The following VCP variants were observed in gnomAD, a reference collection of about 807,000 sequenced individuals.
VCP encodes the protein transitional endoplasmic reticulum ATPase.
A neutral mutation model predicts 85.7 loss-of-function variants in VCP; 6 were observed. That is an observed-to-expected ratio of 0.07 (90% CI 0.04 to 0.14). The LOEUF (loss-of-function observed/expected upper bound fraction) is 0.14. Ranked by LOEUF, VCP falls within the 10% of genes least tolerant of loss-of-function variation. The pLI is 1.00. For missense variants in VCP, 353 were observed against 1,043.4 expected (o/e 0.34, Z 9.12); for synonymous variants, 384 against 367.1 (o/e 1.05, Z -0.53).
intron 12 of VCP, 27 bp from the exon 13 acceptor site, chr9:35,060,552 A>T: frequency 6.2e-7 from 1 of 1,608,948 alleles, no homozygotes; most frequent in Non-Finnish European, 8.5e-7. Flanking sequence ...AGAGGGTTCA[A>T]GGCTACCTCC....
intron 4 of VCP, among the ~76,000 whole-genome samples, chr9:35,065,926 G>A (rs182647498): frequency 6.6e-6 from 1 of 152,274 alleles, no homozygotes; most frequent in African/African-American, 2.4e-5. Context: ...AAGAGTTCGA[G>A]ACGAGCCTGA....
At chr9:35,069,444 C>CGT (rs1828895799) in intron 1 of VCP, among the ~76,000 whole-genome samples, 1 of 96,106 alleles carries the variant, frequency 1.0e-5, no homozygotes, top group African/African-American at 3.9e-5. Flanking sequence ...CTCCCTCTCC[C>CGT]TTTTTTTTTT....
chr9:35,068,118 C>A, intron 2 of VCP, 55 bp from the exon 3 acceptor site: 1 of 1,612,810 alleles, frequency 6.2e-7, no homozygotes, highest in South Asian at 1.1e-5. Context: ...GAGTAAGCAG[C>A]AGCCCTGGAG....
In VCP at chr9:35,070,754, C is replaced by A. The variant is rs1276245225; in HGVS notation, c.17+1583G>T. The stretch of plus-strand genomic sequence containing the variant: ...CCCGGTCAATAGTTTGTATTTTAAT[C>A]TCAAAGCTGTATCCTAGGAAAACCT... On this transcript the variant is annotated intron_variant, in intron 1 of 16. Coordinates refer to ENST00000358901, the MANE Select transcript of VCP (RefSeq NM_007126.5). 2.0e-5 allele frequency among the ~76,000 whole-genome samples: 3 copies of A among 152,304 alleles called. No homozygotes were observed. In the East Asian group the frequency reaches 5.8e-4, roughly 29 times the overall value.
chr9:35,060,866 G>C lies in VCP; in HGVS notation c.1417C>G (p.Gln473Glu). Residue 473 changes from glutamine (Q) to glutamate (E), a missense_variant, in exon 12 of 17, where the codon CAG becomes GAG. Coordinates refer to ENST00000358901, the MANE Select transcript of VCP (RefSeq NM_007126.5). ...ALRETVVEVP[Q>E]VTWEDIGGLE... ...CCCCCGATGTCTTCCCAGGTTACCT[G>C]TGGCACCTCTACCACGGTTTCCCGC... is the stretch of plus-strand genomic sequence containing the variant. 2 of 1,614,168 alleles carry C rather than the reference G, an allele frequency of 1.2e-6. No individual in the cohort carries two copies. The highest frequency in any genetic ancestry group is 1.7e-6 in the Non-Finnish European group (2 of 1,180,034).
chr9:35,064,041 A>G, intron 6 of VCP, 113 bp downstream of exon 6: 1 of 1,541,260 alleles, frequency 6.5e-7, no homozygotes, highest in South Asian at 1.1e-5. Flanking sequence ...TTGCCCCTCT[A>G]ATCCAAGGCA....
rs982551134 is a variant in VCP, at chr9:35,064,033, G to A, written c.708+121C>T. 3.3e-6 allele frequency: 5 copies of A among 1,499,680 alleles called. No homozygotes were observed. The East Asian group carries it at 9.0e-5, about 27-fold the overall frequency. 92.9% of individuals were successfully genotyped at this position (1,499,680 alleles called of 1,614,324 possible). A position where few individuals can be genotyped will look rare whatever the true frequency, so the allele number is the denominator to read the frequency against. ...TAGGTAAACTAAAGGATACGTTATT[G>A]CCCCTCTAATCCAAGGCAATAATGA... On this transcript the variant is annotated intron_variant, in intron 6 of 16. Coordinates refer to ENST00000358901, the MANE Select transcript of VCP (RefSeq NM_007126.5).
rs780860602 is a variant in VCP at position 35,061,975 on chromosome 9, C to T, written c.1081+28G>A. On this transcript the variant is annotated intron_variant, in intron 9 of 16. Coordinates refer to ENST00000358901, the MANE Select transcript of VCP (RefSeq NM_007126.5). ...GAGAGAAGTAGGACCTAAGCAAGGA[C>T]GGGGTCAAAAGTATCTGGAGTCCTT... 12 of 1,613,962 alleles carry T rather than the reference C, an allele frequency of 7.4e-6. No homozygotes were observed. The Admixed American group carries it at 8.3e-5, about 11-fold the overall frequency.
chr9:35,060,002 C>A (rs1828689971), intron 13 of VCP: 1 of 700,978 alleles, frequency 1.4e-6, no homozygotes, highest in African/African-American at 1.8e-5. Context: ...TGTGGTGACG[C>A]ATGCCTATAG....
intron 5 of VCP, 89 bp from the exon 6 acceptor site, chr9:35,064,374 TG>T: frequency 9.0e-6 from 14 of 1,551,558 alleles, no homozygotes; most frequent in Non-Finnish European, 1.1e-5. Flanking sequence ...CTACCTAGTG[TG>T]CAAAAACCTA....
At chr9:35,060,570 G>C (rs781299484) in intron 12 of VCP, 45 bp from the exon 13 acceptor site, 7 of 1,593,888 alleles carry the variant, frequency 4.4e-6, no homozygotes, top group Non-Finnish European at 6.0e-6. Flanking sequence ...TCCACATTTT[G>C]AAAGAAACCT....
At chr9:35,072,220 C>T (rs1168552342) in intron 1 of VCP, 117 bp downstream of exon 1, 3 of 1,458,290 alleles carry the variant, frequency 2.1e-6, no homozygotes, top group Non-Finnish European at 2.7e-6. Flanking sequence ...CTTCCCTTCC[C>T]TCTTTCCTGG....
rs769800776 is a variant in VCP, at chr9:35,061,989, T to C, written c.1081+14A>G. On this transcript the variant is annotated intron_variant, in intron 9 of 16. Transcript: ENST00000358901. ...CTAAGCAAGGACGGGGTCAAAAGTA[T>C]CTGGAGTCCTTACCAAATCGCCGTA... 3 of 1,614,180 alleles carry C rather than the reference T, an allele frequency of 1.9e-6. No individual in the cohort carries two copies. Among genetic ancestry groups the C allele is most frequent in the Non-Finnish European group, 8.5e-7 (1 of 1,180,034 alleles).
At chr9:35,066,000 C>T (rs918641314) in intron 4 of VCP, among the ~76,000 whole-genome samples, 1 of 152,034 alleles carries the variant, frequency 6.6e-6, no homozygotes, top group Admixed American at 6.5e-5. Flanking sequence ...GTGGCAGACG[C>T]CTGTAATCCC....
intron 1 of VCP, chr9:35,071,696 T>C (rs1828948947): frequency 2.0e-6 from 2 of 984,884 alleles, no homozygotes; most frequent in South Asian, 4.7e-5. Context: ...AAGCGAAAGG[T>C]AGGGCTCGCC....
At chr9:35,068,523 AC>A (rs1231553725) in intron 1 of VCP, among the ~76,000 whole-genome samples, 161 bp from the exon 2 acceptor site, 6 of 152,220 alleles carry the variant, frequency 3.9e-5, no homozygotes, top group Admixed American at 3.3e-4. Flanking sequence ...AGCAGTATCT[AC>A]CATACATATT....
intron 13 of VCP, among the ~76,000 whole-genome samples, chr9:35,060,052 A>C (rs150093181): frequency 1.3e-5 from 2 of 152,262 alleles, no homozygotes; most frequent in African/African-American, 4.8e-5. Flanking sequence ...GAATTGCTTA[A>C]GCCCAGGTTT....
At chr9:35,062,896 G>C (rs1828754011) in intron 7 of VCP, 82 bp downstream of exon 7, 1 of 1,307,214 alleles carries the variant, frequency 7.6e-7, no homozygotes, top group Admixed American at 1.7e-5. Context: ...GGTGCAAAAA[G>C]GATGTGTTCA....
chr9:35,070,521 C>T (rs1029343914), intron 1 of VCP, among the ~76,000 whole-genome samples: 3 of 152,170 alleles, frequency 2.0e-5, no homozygotes, highest in Non-Finnish European at 2.9e-5. Context: ...CAATCTCTGC[C>T]TCCCTGGGTT....
Sources: gnomAD v4.1 joint callset for allele counts (sites outside exome capture counted in the v4.1 genomes callset) on GRCh38, gnomAD v4.1.1 for gene constraint, MANE v1.5 for transcripts, NCBI Gene and HGNC (gene_info 2026-07-23, HGNC 2026-07-21) for gene names.